The following CBX3 variants were observed in gnomAD, a reference collection of about 807,000 sequenced individuals.
CBX3 encodes chromobox 3.
CBX3 carries 5 observed loss-of-function variants against 22.6 expected under a neutral mutation model. The ratio of observed to expected loss-of-function variants is 0.22; its 90% CI spans 0.12 to 0.47. The LOEUF is 0.47. Ranked by LOEUF, CBX3 falls within the 20% of genes least tolerant of loss-of-function variation. CBX3 has a pLI of 0.99. For synonymous variants in CBX3, 50 were observed against 66.6 expected (o/e 0.75, Z 1.21); for missense variants, 83 against 208.1 (o/e 0.40, Z 3.70).
chr7:26,206,555 A>G, intron 3 of CBX3, 45 bp downstream of exon 3: 1 of 1,586,532 alleles, frequency 6.3e-7, no homozygotes, highest in African/African-American at 1.3e-5. Context: ...AACTGCAGCT[A>G]AGTGGTTTTA....
intron 4 of CBX3, among the ~76,000 whole-genome samples, chr7:26,208,799 T>C (rs866825844): frequency 6.6e-6 from 1 of 151,928 alleles, no homozygotes; most frequent in African/African-American, 2.4e-5. Flanking sequence ...TTGGTACTTT[T>C]AGTAGAGATG....
rs1250400018 is a variant in CBX3 at position 26,212,635 on chromosome 7, ATTTTTT to A, written c.*431_*436del. On this transcript the variant is annotated 3_prime_UTR_variant, in exon 6 of 6. Transcript: ENST00000396386. Reference sequence around the variant, plus strand: ...GTGTATCCATAAAATGCATATGTAAATTTTTTTTTGTTTTTAAGCATTCACCCAAAC... The same window carrying A: ...GTGTATCCATAAAATGCATATGTAAATTTGTTTTTAAGCATTCACCCAAAC... 8 of 151,830 alleles carry A rather than the reference ATTTTTT, an allele frequency of 5.3e-5. No individual in the cohort carries two copies. Among genetic ancestry groups the A allele is most frequent in the African/African-American group, 1.9e-4 (8 of 41,394 alleles). 9.4% of individuals were successfully genotyped at this position (151,830 alleles called of 1,614,324 possible).
At chr7:26,203,894 C>T (rs1784610625) in intron 2 of CBX3, among the ~76,000 whole-genome samples, 1 of 152,102 alleles carries the variant, frequency 6.6e-6, no homozygotes, top group Non-Finnish European at 1.5e-5. Flanking sequence ...GCATTAGATT[C>T]TGCATTAGAT....
intron 1 of CBX3, chr7:26,202,086 A>C (rs1343280249): frequency 6.6e-6 from 1 of 150,758 alleles, no homozygotes; most frequent in Non-Finnish European, 1.5e-5. Context: ...ATTTCGAGAC[A>C]AAGCGCATTT....
Position 26,213,384 on chromosome 7 carries a change from T to A in CBX3, c.*1176T>A, listed in dbSNP as rs893896515. The A allele has an allele frequency of 1.4e-5, 2 of 141,708 alleles. No homozygotes were observed. The highest frequency in any genetic ancestry group is 3.2e-5 in the Non-Finnish European group (2 of 62,976). 8.8% of individuals were successfully genotyped at this position (141,708 alleles called of 1,614,324 possible). A position where few individuals can be genotyped will look rare whatever the true frequency, so the allele number is the denominator to read the frequency against. On this transcript the variant is annotated 3_prime_UTR_variant, in exon 6 of 6. Transcript: ENST00000396386. ...ATTAGACTTTTTTCTTTATTTGATA[T>A]GCCTTTACAGTAGAAATAGAAATGC...
intron 3 of CBX3, among the ~76,000 whole-genome samples, chr7:26,207,118 C>T (rs1480071498): frequency 6.6e-6 from 1 of 152,194 alleles, no homozygotes; most frequent in East Asian, 1.9e-4. Context: ...TTCCCCCTTA[C>T]ACCACAAAGC....
At position 26,213,386 on chromosome 7, in the gene CBX3, C is replaced by T. The variant is rs1341195856; in HGVS notation, c.*1178C>T. Reference sequence around the variant, plus strand: ...TAGACTTTTTTCTTTATTTGATATGCCTTTACAGTAGAAATAGAAATGCCC... The same window carrying T: ...TAGACTTTTTTCTTTATTTGATATGTCTTTACAGTAGAAATAGAAATGCCC... On this transcript the variant is annotated 3_prime_UTR_variant, in exon 6 of 6. Coordinates refer to ENST00000396386, the MANE Select transcript of CBX3 (RefSeq NM_016587.4). 1 of 142,942 alleles carries T rather than the reference C, an allele frequency of 7.0e-6. No homozygotes were observed. The highest frequency in any genetic ancestry group is 1.6e-5 in the Non-Finnish European group (1 of 63,638). The allele number at this position is 142,942 out of a possible 1,614,324, so 8.9% of individuals were successfully genotyped here.
chr7:26,201,593 T>TC (rs1429985898), upstream of CBX3: 1 of 142,916 alleles, frequency 7.0e-6, no homozygotes, highest in Non-Finnish European at 1.5e-5. Context: ...GCCTCCGCCC[T>TC]CCCCCTAGGG....
intron 2 of CBX3, among the ~76,000 whole-genome samples, chr7:26,205,041 G>A (rs535758118): frequency 2.6e-5 from 4 of 152,162 alleles, no homozygotes; most frequent in East Asian, 1.9e-4. Context: ...TGCCCACCTC[G>A]GCCTCCCAAA....
chr7:26,202,846 C>T (rs1457320544), intron 1 of CBX3, 125 bp from the exon 2 acceptor site: 5 of 724,878 alleles, frequency 6.9e-6, no homozygotes, highest in Non-Finnish European at 1.2e-5. Flanking sequence ...CAGATCTACT[C>T]TGGATTTGTA....
At chr7:26,202,548 G>A (rs1784551751) in intron 1 of CBX3, 1 of 158,002 alleles carries the variant, frequency 6.3e-6, no homozygotes, top group Non-Finnish European at 1.4e-5. Flanking sequence ...AAGAGGGAGG[G>A]TTTCTGAGCA....
At chr7:26,210,363 G>C (rs1001824650) in intron 4 of CBX3, 2 of 152,190 alleles carry the variant, frequency 1.3e-5, no homozygotes, top group African/African-American at 4.8e-5. Context: ...GTGCTATACT[G>C]TGTGCCAAAT....
chr7:26,208,629 T>C, intron 4 of CBX3, 74 bp downstream of exon 4: 1 of 1,426,846 alleles, frequency 7.0e-7, no homozygotes, highest in Non-Finnish European at 9.6e-7. Context: ...TTTGTTTGTT[T>C]GTTTTTTTGA....
intron 2 of CBX3, 87 bp from the exon 3 acceptor site, chr7:26,206,279 ATG>A: frequency 1.2e-6 from 1 of 807,106 alleles, no homozygotes; most frequent in Non-Finnish European, 1.9e-6. Context: ...TTTATGTCGA[ATG>A]TGATAATAAT....
At chr7:26,203,090 T>G (rs1230175324) in intron 2 of CBX3, 68 bp downstream of exon 2, 15 of 1,100,564 alleles carry the variant, frequency 1.4e-5, no homozygotes, top group Admixed American at 1.9e-5. Flanking sequence ...AGTATAACTT[T>G]GCATCTCTGT....
intron 4 of CBX3, 60 bp downstream of exon 4, chr7:26,208,615 C>T: frequency 1.4e-6 from 2 of 1,474,416 alleles, no homozygotes; most frequent in Non-Finnish European, 1.9e-6. Context: ...GGCTTGATTT[C>T]TTTTTTGTTT....
At chr7:26,211,870 T>C in intron 5 of CBX3, 114 bp downstream of exon 5, 1 of 900,284 alleles carries the variant, frequency 1.1e-6, no homozygotes, top group Non-Finnish European at 1.7e-6. Flanking sequence ...AGGATGATTC[T>C]GGTTACTTTT....
At chr7:26,210,363 G>A (rs1001824650) in intron 4 of CBX3, 1 of 152,190 alleles carries the variant, frequency 6.6e-6, no homozygotes. Flanking sequence ...GTGCTATACT[G>A]TGTGCCAAAT....
Position 26,212,588 on chromosome 7 carries a change from G to GTGTGTT in CBX3, c.*385_*386insTTGTGT, listed in dbSNP as rs1168181855. On this transcript the variant is annotated 3_prime_UTR_variant, in exon 6 of 6. Transcript: ENST00000396386. ...TAGATTTATTACGTGTTTTTTGTGT[G>GTGTGTT]TGTGTGTGTGTGTGTGTGTGTGTGT... is the stretch of plus-strand genomic sequence containing the variant. 10 of 78,588 alleles carry GTGTGTT rather than the reference G, an allele frequency of 1.3e-4. No homozygotes were observed. The highest frequency in any genetic ancestry group is 6.1e-4 in the African/African-American group (9 of 14,872). The allele number at this position is 78,588 out of a possible 1,614,324, so 4.9% of individuals were successfully genotyped here.
Sources: gnomAD v4.1 joint callset for allele counts (sites outside exome capture counted in the v4.1 genomes callset) on GRCh38, gnomAD v4.1.1 for gene constraint, MANE v1.5 for transcripts, NCBI Gene and HGNC (gene_info 2026-07-23, HGNC 2026-07-21) for gene names.